The following GLIS3 variants were observed in gnomAD, a reference collection of about 807,000 sequenced individuals.
GLIS3 encodes the protein zinc finger protein GLIS3.
A neutral mutation model predicts 78.6 loss-of-function variants in GLIS3; 53 were observed. The ratio of observed to expected loss-of-function variants is 0.67; its 90% CI spans 0.54 to 0.85. GLIS3 has a LOEUF of 0.85. Among genes scored for constraint, GLIS3 ranks in the 40% least tolerant of loss-of-function variants. The pLI, the probability that GLIS3 is intolerant of heterozygous loss-of-function variation, is 0.00. For synonymous variants in GLIS3, 684 were observed against 509.9 expected (o/e 1.34, Z -4.60); for missense variants, 1,703 against 1,231.1 (o/e 1.38, Z -5.74).
At chr9:3,859,239 A>G (rs919736435) in intron 8 of GLIS3, among the ~76,000 whole-genome samples, 1 of 152,168 alleles carries the variant, frequency 6.6e-6, no homozygotes, top group Non-Finnish European at 1.5e-5. Flanking sequence ...ACATACTTAG[A>G]TGCTCACTAA....
chr9:4,354,924 G>A, the GLIS3 span, among the ~76,000 whole-genome samples: 2 of 152,086 alleles, frequency 1.3e-5, no homozygotes, highest in East Asian at 1.9e-4. Context: ...AGACCATCCT[G>A]GCTAACACGG....
chr9:4,152,169 T>G, intron 2 of GLIS3: 2 of 973,684 alleles, frequency 2.1e-6, no homozygotes, highest in Non-Finnish European at 2.4e-6. Flanking sequence ...CCAACACCCT[T>G]CAACCATAAA....
At position 4,079,744 on chromosome 9, in the gene GLIS3, G is replaced by GAA. The variant is rs557862210; in HGVS notation, c.1710+38022_1710+38023dup. Among the ~76,000 whole-genome samples the GAA allele has an allele frequency of 3.2e-5, 4 of 123,086 alleles. No individual in the cohort carries two copies. The East Asian group carries it at 7.1e-4, about 22-fold the overall frequency. 80.7% of individuals were successfully genotyped at this position (123,086 alleles called of 152,430 possible). On this transcript the variant is annotated intron_variant, in intron 4 of 10. Coordinates refer to ENST00000381971, the MANE Select transcript of GLIS3 (RefSeq NM_001042413.2). ...TTTTCTACCTTTGAAAGATGGATGTGAAAAAAAAAAAAAAAGAAAAAAGAA... is the reference window on the plus strand; with the variant it reads ...TTTTCTACCTTTGAAAGATGGATGTGAAAAAAAAAAAAAAAAAGAAAAAAGAA...
At chr9:4,428,264 A>G in the GLIS3 span, among the ~76,000 whole-genome samples, 1 of 152,032 alleles carries the variant, frequency 6.6e-6, no homozygotes, top group East Asian at 1.9e-4. Flanking sequence ...GGATCACTTG[A>G]GGCCAGGAGT....
At chr9:3,833,673 G>A (rs1260861922) in intron 9 of GLIS3, among the ~76,000 whole-genome samples, 1 of 152,204 alleles carries the variant, frequency 6.6e-6, no homozygotes, top group African/African-American at 2.4e-5. Context: ...CACAGCTGGA[G>A]TGAGAACACA....
At chr9:4,366,308 G>C in the GLIS3 span, among the ~76,000 whole-genome samples, 1 of 152,180 alleles carries the variant, frequency 6.6e-6, no homozygotes, top group African/African-American at 2.4e-5. Flanking sequence ...AACTAGAAAA[G>C]AGTAGACTTC....
At chr9:3,996,500 C>CTGTT (rs1820752895) in intron 4 of GLIS3, among the ~76,000 whole-genome samples, 1 of 152,138 alleles carries the variant, frequency 6.6e-6, no homozygotes, top group Non-Finnish European at 1.5e-5. Context: ...ACTTTACTTT[C>CTGTT]TGTTACATTA....
At chr9:4,449,285 T>C in the GLIS3 span, among the ~76,000 whole-genome samples, 1 of 152,196 alleles carries the variant, frequency 6.6e-6, no homozygotes, top group African/African-American at 2.4e-5. Flanking sequence ...CTGCCATTGC[T>C]GAGGCTTGAG....
chr9:4,290,121 G>T (rs558709251), intron 1 of GLIS3, among the ~76,000 whole-genome samples: 4 of 152,024 alleles, frequency 2.6e-5, no homozygotes, highest in African/African-American at 9.7e-5. Flanking sequence ...ACAGCTAAAG[G>T]CCCTTTCTTA....
the GLIS3 span, among the ~76,000 whole-genome samples, chr9:4,416,012 T>C: frequency 1.0e-4 from 15 of 150,374 alleles, no homozygotes; most frequent in African/African-American, 3.6e-4. Context: ...TATATGTAAA[T>C]ATATAGATGT....
intron 4 of GLIS3, among the ~76,000 whole-genome samples, chr9:3,945,847 G>A (rs1415219616): frequency 2.0e-5 from 3 of 152,098 alleles, no homozygotes; most frequent in African/African-American, 7.2e-5. Flanking sequence ...CAGAGAGAAA[G>A]AGACACTACA....
At chr9:4,425,730 C>G in the GLIS3 span, among the ~76,000 whole-genome samples, 1 of 152,188 alleles carries the variant, frequency 6.6e-6, no homozygotes, top group African/African-American at 2.4e-5. Flanking sequence ...GTGCCTTTAC[C>G]TAGTACCACC....
intron 2 of GLIS3, among the ~76,000 whole-genome samples, chr9:4,266,288 A>G (rs1772473470): frequency 6.6e-6 from 1 of 152,036 alleles, no homozygotes; most frequent in South Asian, 2.1e-4. Flanking sequence ...AAGAAAAAAA[A>G]AAATCTTTGC....
chr9:4,460,698 G>A, the GLIS3 span, among the ~76,000 whole-genome samples: 2 of 152,162 alleles, frequency 1.3e-5, no homozygotes. Flanking sequence ...GAAATCATTG[G>A]CAAAGAGGGA....
At chr9:3,886,186 G>C (rs1210909389) in intron 7 of GLIS3, among the ~76,000 whole-genome samples, 3 of 152,180 alleles carry the variant, frequency 2.0e-5, no homozygotes, top group African/African-American at 7.2e-5. Context: ...CTAAACTACA[G>C]ATGGAAGAAT....
chr9:3,882,782 G>A (rs895882039), intron 7 of GLIS3, among the ~76,000 whole-genome samples: 3 of 152,134 alleles, frequency 2.0e-5, no homozygotes, highest in African/African-American at 7.2e-5. Context: ...TTTAAAAACT[G>A]GATTTGGAAA....
intron 2 of GLIS3, among the ~76,000 whole-genome samples, chr9:4,135,982 T>G (rs924345246): frequency 6.6e-6 from 1 of 152,216 alleles, no homozygotes; most frequent in African/African-American, 2.4e-5. Flanking sequence ...TGTGACTGTA[T>G]GGTGTATTAC....
At chr9:4,200,991 T>G (rs564288343) in intron 2 of GLIS3, among the ~76,000 whole-genome samples, 1 of 152,142 alleles carries the variant, frequency 6.6e-6, no homozygotes, top group Admixed American at 6.5e-5. Context: ...TTCACCATAA[T>G]CAATTAGGCT....
At chr9:4,219,659 G>C (rs754971004) in intron 2 of GLIS3, among the ~76,000 whole-genome samples, 1 of 152,198 alleles carries the variant, frequency 6.6e-6, no homozygotes, top group South Asian at 2.1e-4. Context: ...TAGTTAAGGC[G>C]GTCACTATTC....
Sources: allele counts gnomAD v4.1 joint callset (sites outside exome capture counted in the v4.1 genomes callset), GRCh38; gene constraint gnomAD v4.1.1; transcripts MANE v1.5; gene names NCBI Gene and HGNC (gene_info 2026-07-23, HGNC 2026-07-21).